LPAR3: variants seen among roughly 807,000 people sequenced by gnomAD.
LPAR3 encodes lysophosphatidic acid receptor 3.
In LPAR3, 7 loss-of-function variants were observed where a neutral mutation model predicts 17.8. The ratio of observed to expected loss-of-function variants is 0.39; its 90% CI spans 0.22 to 0.74. The LOEUF (loss-of-function observed/expected upper bound fraction) is 0.74, where lower values mean the gene tolerates loss of function less well. Ranked by LOEUF, LPAR3 falls within the 30% of genes least tolerant of loss-of-function variation. The probability of loss-of-function intolerance (pLI) is 0.40; values close to 1 mark genes in which losing one functional copy is unlikely to be tolerated. For synonymous variants in LPAR3, 179 were observed against 179.9 expected, an observed-to-expected ratio of 0.99 and a Z score of 0.04; for missense variants, 391 against 453.4, an observed-to-expected ratio of 0.86 and a Z score of 1.25.
chr1:84,841,664 CCT>C (rs1286347133), intron 2 of LPAR3, among the ~76,000 whole-genome samples: 4 of 152,208 alleles, frequency 2.6e-5, no homozygotes, highest in African/African-American at 9.6e-5. Flanking sequence ...CCTGCACACC[CCT>C]CTCAATCAAA....
intron 2 of LPAR3, among the ~76,000 whole-genome samples, chr1:84,836,072 C>G (rs1031555685): frequency 8.2e-6 from 1 of 121,694 alleles, no homozygotes; most frequent in African/African-American, 3.1e-5. Context: ...TGTGGTGGCT[C>G]ACACCTGTAA....
At chr1:84,870,492 A>T (rs922234481) in intron 1 of LPAR3, among the ~76,000 whole-genome samples, 2 of 152,242 alleles carry the variant, frequency 1.3e-5, no homozygotes, top group Non-Finnish European at 2.9e-5. Context: ...TTGCTGACTT[A>T]TACATCAATC....
intron 1 of LPAR3, among the ~76,000 whole-genome samples, chr1:84,877,587 T>A (rs1214911556): frequency 6.6e-6 from 1 of 152,164 alleles, no homozygotes. Context: ...TGAATACAAA[T>A]ATGCTTGGGG....
chr1:84,846,567 C>T (rs1189140274), intron 2 of LPAR3, among the ~76,000 whole-genome samples: 1 of 152,112 alleles, frequency 6.6e-6, no homozygotes, highest in East Asian at 1.9e-4. Flanking sequence ...AAACTTCATT[C>T]CATGCTTCCT....
chr1:84,862,878 C>G (rs984843130), intron 2 of LPAR3, among the ~76,000 whole-genome samples: 2 of 152,220 alleles, frequency 1.3e-5, no homozygotes, highest in Non-Finnish European at 1.5e-5. Context: ...CCTTACAAGA[C>G]AAGTTCTGTG....
intron 2 of LPAR3, among the ~76,000 whole-genome samples, chr1:84,852,012 G>A (rs1659723485): frequency 6.6e-6 from 1 of 151,892 alleles, no homozygotes; most frequent in Non-Finnish European, 1.5e-5. Flanking sequence ...AAGGCGTGTA[G>A]TAGGATCTGA....
In LPAR3 at chr1:84,869,264, A is replaced by C. The variant is rs1660111590; in HGVS notation, c.-18-3126T>G. Among the ~76,000 whole-genome samples, 3 of 152,238 alleles carry C rather than the reference A, an allele frequency of 2.0e-5. No homozygotes were observed. In the South Asian group the frequency reaches 6.2e-4, roughly 32 times the overall value. ...TCCCTTGTCAAAACCAAAACAGTTT[A>C]AGACATGTTTTTAGCAAAAATTGCC... On this transcript the variant is annotated intron_variant, in intron 1 of 2. Transcript: ENST00000370611.
intron 2 of LPAR3, among the ~76,000 whole-genome samples, chr1:84,832,553 G>A (rs768001083): frequency 2.6e-5 from 4 of 152,170 alleles, no homozygotes; most frequent in Non-Finnish European, 5.9e-5. Context: ...GGGTCATGAA[G>A]GAGTTGCAGG....
chr1:84,835,332 G>GTAA (rs1659373115), intron 2 of LPAR3, among the ~76,000 whole-genome samples: 1 of 152,334 alleles, frequency 6.6e-6, no homozygotes, highest in Middle Eastern at 3.4e-3. Context: ...TGGGCATGAT[G>GTAA]TAATCTACCC....
At chr1:84,887,375 TAA>T (rs200331450) in intron 1 of LPAR3, among the ~76,000 whole-genome samples, 52 of 138,042 alleles carry the variant, frequency 3.8e-4, no homozygotes, top group Non-Finnish European at 3.8e-4. Flanking sequence ...GACCTTGTCT[TAA>T]AAAAAAAAAA....
At chr1:84,887,298 GC>G (rs1311805123) in intron 1 of LPAR3, among the ~76,000 whole-genome samples, 1 of 151,682 alleles carries the variant, frequency 6.6e-6, no homozygotes, top group Non-Finnish European at 1.5e-5. Flanking sequence ...GATCACTTGA[GC>G]CCAGGAGGTT....
At chr1:84,841,469 T>C (rs1371976759) in intron 2 of LPAR3, among the ~76,000 whole-genome samples, 1 of 152,228 alleles carries the variant, frequency 6.6e-6, no homozygotes, top group Non-Finnish European at 1.5e-5. Flanking sequence ...AAATTCTCAG[T>C]GGTTCCTGTC....
intron 2 of LPAR3, among the ~76,000 whole-genome samples, chr1:84,828,426 G>C (rs1659208343): frequency 6.6e-6 from 1 of 152,062 alleles, no homozygotes; most frequent in South Asian, 2.1e-4. Flanking sequence ...GTTAGAATTG[G>C]TATTTATTCT....
At chr1:84,815,779 C>T (rs991408889) in intron 2 of LPAR3, among the ~76,000 whole-genome samples, 3 of 152,156 alleles carry the variant, frequency 2.0e-5, no homozygotes, top group Admixed American at 6.5e-5. Flanking sequence ...GGTGGGTTCA[C>T]TGAGCAGCAG....
intron 2 of LPAR3, among the ~76,000 whole-genome samples, chr1:84,833,299 A>G (rs1020574332): frequency 7.0e-4 from 106 of 152,350 alleles, no homozygotes; most frequent in African/African-American, 2.5e-3. Context: ...AAATGTGTTT[A>G]TTATTGTAAA....
chr1:84,845,270 G>A (rs1409028574), intron 2 of LPAR3, among the ~76,000 whole-genome samples: 1 of 152,162 alleles, frequency 6.6e-6, no homozygotes, highest in East Asian at 1.9e-4. Flanking sequence ...CATTGTTTAA[G>A]CTTCTTGTTA....
chr1:84,892,218 TAAATAAATAA>T (rs1042635152), intron 1 of LPAR3, among the ~76,000 whole-genome samples: 1 of 72,800 alleles, frequency 1.4e-5, no homozygotes, highest in Non-Finnish European at 3.2e-5. Context: ...GTCTCAAAAA[TAAATAAATAA>T]ATAAATAAAT....
At chr1:84,878,974 G>C (rs567047703) in intron 1 of LPAR3, among the ~76,000 whole-genome samples, 1 of 152,214 alleles carries the variant, frequency 6.6e-6, no homozygotes, top group African/African-American at 2.4e-5. Flanking sequence ...ACATAGCTTT[G>C]TGAATTCAAA....
chr1:84,857,796 T>A (rs1433062300), intron 2 of LPAR3, among the ~76,000 whole-genome samples: 1 of 152,210 alleles, frequency 6.6e-6, no homozygotes, highest in East Asian at 1.9e-4. Context: ...GCTCTGCTAC[T>A]AACCTTGAGC....
Sources: gnomAD v4.1 joint callset for allele counts (sites outside exome capture counted in the v4.1 genomes callset) on GRCh38, gnomAD v4.1.1 for gene constraint, MANE v1.5 for transcripts, NCBI Gene and HGNC (gene_info 2026-07-23, HGNC 2026-07-21) for gene names.